The following PARP4 variants were observed in gnomAD, a reference collection of about 807,000 sequenced individuals.
PARP4 encodes poly(ADP-ribose) polymerase family member 4.
Under a neutral mutation model 187.7 loss-of-function variants are expected in PARP4, and 120 were observed. The observed-to-expected ratio is 0.64, with a 90% CI of 0.55 to 0.74. PARP4 has a LOEUF of 0.74. Among genes scored for constraint, PARP4 ranks in the 30% least tolerant of loss-of-function variants. PARP4 has a pLI of 0.00. For missense variants in PARP4, 1,836 were observed against 2,070.5 expected, an observed-to-expected ratio of 0.89 and a Z score of 2.20; for synonymous variants, 654 against 740.9, an observed-to-expected ratio of 0.88 and a Z score of 1.90.
At chr13:24,493,503 T>C in intron 8 of PARP4, 93 bp downstream of exon 8, 1 of 1,215,106 alleles carries the variant, frequency 8.2e-7, no homozygotes, top group Non-Finnish European at 1.2e-6. Flanking sequence ...TCCAGAGCAG[T>C]CAGGCCAGCA....
rs1870577248 is a variant in PARP4 at position 24,435,341 on chromosome 13, C to T, written c.3800G>A (p.Gly1267Asp). The T allele has an allele frequency of 3.1e-6, 5 of 1,612,556 alleles. No individual in the cohort carries two copies. Among genetic ancestry groups the T allele is most frequent in the Non-Finnish European group, 4.2e-6 (5 of 1,179,918 alleles). Residue 1267 changes from glycine to aspartate, a missense_variant, in exon 31 of 34, where the codon GGT (glycine) becomes GAT (aspartate). Coordinates refer to ENST00000381989, the MANE Select transcript of PARP4 (RefSeq NM_006437.4). ...VSEDFEEDGL[G>D]VLPAFTSNLE... Reference sequence around the variant, plus strand: ...ATTTGATGTGAAAGCTGGTAGTACACCTAAGCCATCCTCTTCAAAATCTTC... The same window carrying T: ...ATTTGATGTGAAAGCTGGTAGTACATCTAAGCCATCCTCTTCAAAATCTTC...
Position 24,428,099 on chromosome 13 carries a change from ACT to A in PARP4, c.4847-1503_4847-1502del, listed in dbSNP as rs1414149983. 3.3e-5 allele frequency among the ~76,000 whole-genome samples: 5 copies of A among 152,302 alleles called. No homozygotes were observed. The South Asian group carries it at 8.3e-4, about 25-fold the overall frequency. On this transcript the variant is annotated intron_variant, in intron 32 of 33. Coordinates refer to ENST00000381989, the MANE Select transcript of PARP4 (RefSeq NM_006437.4). ...AGTCAGAGAAAAAAGACAGCTTGAG[ACT>A]CTACGTCGAAGAAGGAAGGCAGAAA...
intron 31 of PARP4, among the ~76,000 whole-genome samples, chr13:24,432,465 T>A (rs1262942844): frequency 6.6e-6 from 1 of 152,170 alleles, no homozygotes; most frequent in Admixed American, 6.5e-5. Context: ...TGTGAAACCA[T>A]CAAACCATCA....
Position 24,425,563 on chromosome 13 carries a change from G to A in PARP4, c.4979+903C>T, listed in dbSNP as rs1357730616. Among the ~76,000 whole-genome samples the A allele has an allele frequency of 1.5e-3, 158 of 106,928 alleles. 2 individuals are homozygous for A. The highest frequency in any genetic ancestry group is 6.9e-3 in the East Asian group (27 of 3,902). The allele number at this position is 106,928 out of a possible 152,430, so 70.1% of individuals were successfully genotyped here. A position where few individuals can be genotyped will look rare whatever the true frequency, so the allele number is the denominator to read the frequency against. On this transcript the variant is annotated intron_variant, in intron 33 of 33. Coordinates refer to ENST00000381989, the MANE Select transcript of PARP4 (RefSeq NM_006437.4). ...TGTGCATGTGTGTGTGTGTGTGTGTGTGTGTGTATATCTATATCTATATCT... is the reference window on the plus strand; with the variant it reads ...TGTGCATGTGTGTGTGTGTGTGTGTATGTGTGTATATCTATATCTATATCT...
chr13:24,474,086 A>G (rs962462451), intron 15 of PARP4, among the ~76,000 whole-genome samples: 3 of 152,066 alleles, frequency 2.0e-5, no homozygotes, highest in Admixed American at 6.5e-5. Flanking sequence ...ATGGCCCCCA[A>G]CCTGCCCTCC....
At chr13:24,442,368 G>A (rs1870978508) in intron 29 of PARP4, among the ~76,000 whole-genome samples, 1 of 152,294 alleles carries the variant, frequency 6.6e-6, no homozygotes, top group South Asian at 2.1e-4. Context: ...CATTAAAAAT[G>A]ATAACATACT....
chr13:24,448,941 A>G (rs1288315648), intron 25 of PARP4, among the ~76,000 whole-genome samples: 5 of 152,208 alleles, frequency 3.3e-5, no homozygotes, highest in Non-Finnish European at 7.3e-5. Context: ...CAGAAAGTAG[A>G]GTCATGGTTA....
chr13:24,494,520 A>G, intron 7 of PARP4, 53 bp downstream of exon 7: 1 of 1,479,444 alleles, frequency 6.8e-7, no homozygotes, highest in Admixed American at 1.8e-5. Context: ...TAGAGAAAAC[A>G]TTTCTATTAA....
chr13:24,451,350 T>C (rs914917248), intron 24 of PARP4, among the ~76,000 whole-genome samples: 2 of 152,218 alleles, frequency 1.3e-5, no homozygotes, highest in African/African-American at 4.8e-5. Context: ...CCTGTGATGC[T>C]GGGCTAGGCC....
intron 25 of PARP4, among the ~76,000 whole-genome samples, chr13:24,448,472 A>G (rs1405670339): frequency 6.6e-6 from 1 of 150,904 alleles, no homozygotes; most frequent in African/African-American, 2.4e-5. Context: ...AAAAAGAATG[A>G]TGAGTGTTGG....
chr13:24,450,233 C>G (rs1031806029), intron 24 of PARP4, among the ~76,000 whole-genome samples: 14 of 152,096 alleles, frequency 9.2e-5, no homozygotes, highest in African/African-American at 3.4e-4. Flanking sequence ...CTCTTGAAAT[C>G]TGATACACAT....
At chr13:24,492,627 A>C in intron 8 of PARP4, 33 bp from the exon 9 acceptor site, 2 of 1,540,296 alleles carry the variant, frequency 1.3e-6, no homozygotes, top group Non-Finnish European at 1.8e-6. Flanking sequence ...TATTACAATG[A>C]AATCTCAATA....
chr13:24,488,361 T>C (rs1868438545), intron 10 of PARP4, among the ~76,000 whole-genome samples: 1 of 152,168 alleles, frequency 6.6e-6, no homozygotes, highest in African/African-American at 2.4e-5. Context: ...CCTGTGGGAA[T>C]GAATGTTTTT....
chr13:24,477,976 G>A (rs1873072907), intron 13 of PARP4, 117 bp downstream of exon 13: 1 of 1,059,914 alleles, frequency 9.4e-7, no homozygotes, highest in Non-Finnish European at 1.4e-6. Flanking sequence ...AATTCATGCA[G>A]TAAATATATA....
chr13:24,489,253 C>T (rs930210880), intron 10 of PARP4, among the ~76,000 whole-genome samples: 3 of 152,150 alleles, frequency 2.0e-5, no homozygotes, highest in African/African-American at 7.2e-5. Flanking sequence ...TCCCTCCCAT[C>T]AGCAATGTGT....
At chr13:24,440,374 G>A (rs1870858695) in intron 30 of PARP4, among the ~76,000 whole-genome samples, 1 of 147,558 alleles carries the variant, frequency 6.8e-6, no homozygotes, top group Non-Finnish European at 1.5e-5. Flanking sequence ...CTCAACCCTG[G>A]GCGACAGAGC....
At chr13:24,474,858 A>G (rs3978787) in intron 15 of PARP4, among the ~76,000 whole-genome samples, 77,070 of 145,334 alleles carry the variant, frequency 0.53, 19,866 homozygotes, top group South Asian at 0.66. Flanking sequence ...TGACCTGTGT[A>G]CTGATGTGAG....
intron 32 of PARP4, among the ~76,000 whole-genome samples, chr13:24,430,295 C>T (rs182603395): frequency 1.3e-3 from 204 of 152,078 alleles, no homozygotes; most frequent in East Asian, 7.0e-3. Context: ...GGCAGTGAGA[C>T]GCTGCTGCTC....
chr13:24,448,546 C>T (rs536764270), intron 25 of PARP4, among the ~76,000 whole-genome samples: 28 of 151,814 alleles, frequency 1.8e-4, no homozygotes, highest in African/African-American at 6.0e-4. Context: ...GATGCAGCTG[C>T]TATGGAAGAC....
Sources: allele counts gnomAD v4.1 joint callset (sites outside exome capture counted in the v4.1 genomes callset), GRCh38; gene constraint gnomAD v4.1.1; transcripts MANE v1.5; gene names NCBI Gene and HGNC (gene_info 2026-07-23, HGNC 2026-07-21).